The following TAX1BP1 variants were observed in gnomAD, a reference collection of about 807,000 sequenced individuals.
TAX1BP1 encodes the protein tax1-binding protein 1.
TAX1BP1 carries 62 observed loss-of-function variants against 97.7 expected under a neutral mutation model. The ratio of observed to expected loss-of-function variants is 0.63; its 90% CI spans 0.52 to 0.78. TAX1BP1 has a LOEUF of 0.78. Ranked by LOEUF, TAX1BP1 falls within the 30% of genes least tolerant of loss-of-function variation. The probability of loss-of-function intolerance (pLI) is 0.00; values close to 1 mark genes in which losing one functional copy is unlikely to be tolerated. For synonymous variants in TAX1BP1, 340 were observed against 304.2 expected (o/e 1.12, Z -1.23); for missense variants, 867 against 916.1 (o/e 0.95, Z 0.69).
At chr7:27,745,253 T>C (rs1489719615) in intron 1 of TAX1BP1, among the ~76,000 whole-genome samples, 1 of 152,190 alleles carries the variant, frequency 6.6e-6, no homozygotes, top group Non-Finnish European at 1.5e-5. Context: ...GAAGCTACAC[T>C]TCCCAGGCAT....
chr7:27,742,662 T>G (rs1041133785), intron 1 of TAX1BP1, among the ~76,000 whole-genome samples: 1 of 152,158 alleles, frequency 6.6e-6, no homozygotes, highest in African/African-American at 2.4e-5. Context: ...GAGACGAGGT[T>G]TCTCCATGTT....
intron 13 of TAX1BP1, among the ~76,000 whole-genome samples, chr7:27,805,505 G>C (rs913975331): frequency 1.3e-5 from 2 of 151,966 alleles, no homozygotes; most frequent in African/African-American, 4.8e-5. Flanking sequence ...GTACTGCCTT[G>C]ACCAGCAATG....
intron 15 of TAX1BP1, 108 bp downstream of exon 15, chr7:27,817,146 G>A: frequency 3.0e-6 from 4 of 1,315,796 alleles, no homozygotes; most frequent in Non-Finnish European, 4.1e-6. Flanking sequence ...GCATGCGTGT[G>A]TGTGGAAGGA....
intron 15 of TAX1BP1, among the ~76,000 whole-genome samples, chr7:27,821,634 C>A (rs1399487509): frequency 2.9e-3 from 358 of 124,936 alleles, no homozygotes; most frequent in Middle Eastern, 4.6e-3. Context: ...GACTCGGTCT[C>A]AAAAAAAAAA....
chr7:27,755,721 A>C (rs1659382562), intron 2 of TAX1BP1, among the ~76,000 whole-genome samples: 1 of 152,164 alleles, frequency 6.6e-6, no homozygotes, highest in Non-Finnish European at 1.5e-5. Flanking sequence ...TAATTCTTCA[A>C]ACTAAAGTAT....
intron 5 of TAX1BP1, among the ~76,000 whole-genome samples, chr7:27,778,464 A>G (rs1047485990): frequency 6.6e-6 from 1 of 152,170 alleles, no homozygotes; most frequent in Non-Finnish European, 1.5e-5. Context: ...AAGAATATAG[A>G]TAGGTTCTGT....
chr7:27,802,984 C>A, intron 13 of TAX1BP1: 1 of 891,996 alleles, frequency 1.1e-6, no homozygotes, highest in Admixed American at 3.3e-5. Context: ...AAAGAATTAG[C>A]TGAGGAAAAT....
intron 3 of TAX1BP1, among the ~76,000 whole-genome samples, chr7:27,760,967 T>C (rs762782718): frequency 6.6e-6 from 1 of 152,226 alleles, no homozygotes; most frequent in Non-Finnish European, 1.5e-5. Context: ...GATTCTGTTA[T>C]GTAGAAGTTT....
chr7:27,796,295 A>C (rs1004366087), intron 12 of TAX1BP1, 76 bp downstream of exon 12: 20 of 1,204,756 alleles, frequency 1.7e-5, no homozygotes, highest in Non-Finnish European at 1.2e-5. Flanking sequence ...GTTTCAATTG[A>C]TTGGTATCTT....
At position 27,828,762 on chromosome 7, in the gene TAX1BP1, A is replaced by G. The variant is rs752956625; in HGVS notation, c.2303A>G (p.Tyr768Cys). ...TGCAGCGAGCAGTTCCCTCCTGACT[A>G]TGACCAGCAGGTGTTTGAAAGGCAT... is the stretch of plus-strand genomic sequence containing the variant. The part of the protein sequence containing the change: ...PMCSEQFPPD[Y>C]DQQVFERHVQ... The change falls in exon 17 of 17, where the codon TAT becomes TGT. Residue 768 changes from tyrosine to cysteine, a missense_variant. Tyr to Cys is a radical substitution (Grantham distance 194). Transcript: ENST00000396319. 6 of 1,613,372 alleles carry G rather than the reference A, an allele frequency of 3.7e-6. No homozygotes were observed. The highest frequency in any genetic ancestry group is 1.3e-5 in the African/African-American group (1 of 74,810).
At chr7:27,818,195 A>C (rs1283139615) in intron 15 of TAX1BP1, among the ~76,000 whole-genome samples, 2 of 152,106 alleles carry the variant, frequency 1.3e-5, no homozygotes, top group Non-Finnish European at 2.9e-5. Context: ...GTTCTTTCTG[A>C]TCTGTGTGCT....
At chr7:27,783,206 A>G (rs935311378) in intron 5 of TAX1BP1, among the ~76,000 whole-genome samples, 5 of 152,230 alleles carry the variant, frequency 3.3e-5, no homozygotes, top group Admixed American at 3.3e-4. Context: ...TTTTAATATT[A>G]GAATTATGAT....
At chr7:27,799,906 A>G (rs1164529583) in intron 12 of TAX1BP1, 59 bp from the exon 13 acceptor site, 2 of 1,409,712 alleles carry the variant, frequency 1.4e-6, no homozygotes, top group Non-Finnish European at 1.9e-6. Context: ...GTACATTAGT[A>G]TAGATTTTCA....
chr7:27,782,180 T>C (rs1789283898), intron 5 of TAX1BP1, among the ~76,000 whole-genome samples: 2 of 152,178 alleles, frequency 1.3e-5, no homozygotes, highest in Non-Finnish European at 1.5e-5. Context: ...TTTCTTTGTA[T>C]CCAAATTCCA....
At chr7:27,800,547 AC>A (rs1426057098) in intron 13 of TAX1BP1, among the ~76,000 whole-genome samples, 1 of 151,696 alleles carries the variant, frequency 6.6e-6, no homozygotes, top group Admixed American at 6.6e-5. Context: ...GGAGATACCC[AC>A]CCCCCTACCA....
At chr7:27,741,448 AT>A (rs1339699534) in intron 1 of TAX1BP1, among the ~76,000 whole-genome samples, 1 of 151,098 alleles carries the variant, frequency 6.6e-6, no homozygotes, top group Non-Finnish European at 1.5e-5. Context: ...TTTCAAACTG[AT>A]TGTTCAACTT....
At chr7:27,796,495 G>A (rs1048367043) in intron 12 of TAX1BP1, among the ~76,000 whole-genome samples, 6 of 152,194 alleles carry the variant, frequency 3.9e-5, no homozygotes, top group Non-Finnish European at 1.5e-5. Flanking sequence ...ATTGAGGTTA[G>A]AAATTATCTG....
chr7:27,826,139 T>A (rs1025548707), intron 15 of TAX1BP1, among the ~76,000 whole-genome samples: 3 of 152,218 alleles, frequency 2.0e-5, no homozygotes, highest in Non-Finnish European at 4.4e-5. Flanking sequence ...TCAACTACTT[T>A]CTCATCTTCC....
At chr7:27,827,421 C>T (rs147044617) in intron 15 of TAX1BP1, among the ~76,000 whole-genome samples, 8 of 151,674 alleles carry the variant, frequency 5.3e-5, no homozygotes, top group Non-Finnish European at 8.8e-5. Context: ...AAGTTACCTA[C>T]GTATATAGGT....
Sources: allele counts gnomAD v4.1 joint callset (sites outside exome capture counted in the v4.1 genomes callset), GRCh38; gene constraint gnomAD v4.1.1; transcripts MANE v1.5; gene names NCBI Gene and HGNC (gene_info 2026-07-23, HGNC 2026-07-21).